GNAL: variants seen among roughly 807,000 people sequenced by gnomAD.
GNAL encodes G protein subunit alpha L.
GNAL carries 18 observed loss-of-function variants against 55.1 expected under a neutral mutation model. The ratio of observed to expected loss-of-function variants is 0.33; its 90% CI spans 0.23 to 0.48. The LOEUF (loss-of-function observed/expected upper bound fraction) is 0.48. GNAL is among the 20% of genes least tolerant of loss of function. GNAL has a pLI of 0.99. For missense variants in GNAL, 412 were observed against 614.1 expected (o/e 0.67, Z 3.48); for synonymous variants, 253 against 237.0 (o/e 1.07, Z -0.62).
At chr18:11,813,658 A>T (rs750584507) in intron 4 of GNAL, among the ~76,000 whole-genome samples, 3 of 152,230 alleles carry the variant, frequency 2.0e-5, no homozygotes, top group Non-Finnish European at 4.4e-5. Flanking sequence ...ATGAGGAGAG[A>T]GCTAGAGATC....
rs987902641 is a variant in GNAL, at chr18:11,689,422, G to C, written c.-142G>C. The C allele has an allele frequency of 2.1e-5, 8 of 375,404 alleles. No individual in the cohort carries two copies. Among genetic ancestry groups the C allele is most frequent in the Admixed American group, 9.3e-5 (2 of 21,434 alleles). 23.3% of individuals were successfully genotyped at this position (375,404 alleles called of 1,614,324 possible). A position where few individuals can be genotyped will look rare whatever the true frequency, so the allele number is the denominator to read the frequency against. On this transcript the variant is annotated 5_prime_UTR_variant, in exon 1 of 12. Transcript: ENST00000334049. Reference sequence around the variant, plus strand: ...CACCCCCTTCCCGCAGCTGGCGGCCGGCAGCGCCGAACAGGGTCCGGGTGC... The same window carrying C: ...CACCCCCTTCCCGCAGCTGGCGGCCCGCAGCGCCGAACAGGGTCCGGGTGC...
rs190865568 is a variant in GNAL, at chr18:11,740,733, C to T, written c.377-12120C>T. 8.5e-4 allele frequency among the ~76,000 whole-genome samples: 130 copies of T among 152,286 alleles called. 1 individual carries two copies. Among genetic ancestry groups the T allele is most frequent in the Non-Finnish European group, 1.3e-3 (91 of 68,016 alleles). ...CCATACAATACATCTAAATTTGTTT[C>T]GGATTCGTGTGCAATGAGGGAATCC... On this transcript the variant is annotated intron_variant, in intron 1 of 11. Transcript: ENST00000334049.
At chr18:11,728,285 G>A (rs1201763062) in intron 1 of GNAL, among the ~76,000 whole-genome samples, 1 of 152,008 alleles carries the variant, frequency 6.6e-6, no homozygotes, top group Admixed American at 6.6e-5. Flanking sequence ...GTGGGGTGGG[G>A]GGAGTAAGGC....
At chr18:11,809,887 CT>C (rs2034765333) in intron 4 of GNAL, among the ~76,000 whole-genome samples, 1 of 152,204 alleles carries the variant, frequency 6.6e-6, no homozygotes, top group Non-Finnish European at 1.5e-5. Context: ...TATTCTTTCC[CT>C]TTTATGTCAG....
chr18:11,780,445 G>T (rs1304749702), intron 4 of GNAL, among the ~76,000 whole-genome samples: 1 of 151,838 alleles, frequency 6.6e-6, no homozygotes, highest in African/African-American at 2.4e-5. Flanking sequence ...ATATTTTAAG[G>T]TCTTCAAAAA....
chr18:11,717,510 T>C (rs570545138), intron 1 of GNAL, among the ~76,000 whole-genome samples: 1 of 152,354 alleles, frequency 6.6e-6, no homozygotes, highest in South Asian at 2.1e-4. Context: ...ATTGCAGCAC[T>C]GTTCAAAATA....
At chr18:11,792,571 G>C (rs919539572) in intron 4 of GNAL, among the ~76,000 whole-genome samples, 1 of 152,202 alleles carries the variant, frequency 6.6e-6, no homozygotes, top group Admixed American at 6.5e-5. Context: ...CAGGAGTATT[G>C]GCCATCTCGC....
chr18:11,809,929 G>A (rs2034766125), intron 4 of GNAL, among the ~76,000 whole-genome samples: 2 of 152,220 alleles, frequency 1.3e-5, no homozygotes, highest in South Asian at 4.1e-4. Flanking sequence ...AGCTACTGCA[G>A]AATTACAGAG....
At chr18:11,719,875 A>T (rs949270438) in intron 1 of GNAL, among the ~76,000 whole-genome samples, 20 of 152,248 alleles carry the variant, frequency 1.3e-4, no homozygotes, top group Non-Finnish European at 2.5e-4. Context: ...CAAGACATTT[A>T]TAGCAGCATG....
At chr18:11,738,930 G>A (rs1237790753) in intron 1 of GNAL, among the ~76,000 whole-genome samples, 1 of 152,168 alleles carries the variant, frequency 6.6e-6, no homozygotes, top group Non-Finnish European at 1.5e-5. Context: ...CCTCAGTGCT[G>A]CGGAGGAGCC....
chr18:11,875,376 G>A (rs1015853170), intron 10 of GNAL, among the ~76,000 whole-genome samples: 15 of 152,204 alleles, frequency 9.9e-5, no homozygotes, highest in Admixed American at 9.2e-4. Flanking sequence ...TTAGGCTGGT[G>A]ATAGGATTTA....
At chr18:11,725,180 C>G (rs537584086) in intron 1 of GNAL, among the ~76,000 whole-genome samples, 202 of 152,282 alleles carry the variant, frequency 1.3e-3, no homozygotes, top group Middle Eastern at 3.4e-3. Context: ...TAACCCGCAG[C>G]CTCTCAGAAT....
In GNAL at chr18:11,753,561, C is replaced by A. The variant is rs1598430110; in HGVS notation, c.450-67C>A. 4.0e-6 allele frequency: 4 copies of A among 1,011,696 alleles called. No homozygotes were observed. In the East Asian group the frequency reaches 9.5e-5, roughly 24 times the overall value. The allele number at this position is 1,011,696 out of a possible 1,614,324, so 62.7% of individuals were successfully genotyped here. A position where few individuals can be genotyped will look rare whatever the true frequency, so the allele number is the denominator to read the frequency against. The stretch of plus-strand genomic sequence containing the variant: ...AGTGCTGTAGCTGGAAATTTAAAAT[C>A]CCACTCAATTGATTGGAATCAGTGC... On this transcript the variant is annotated intron_variant, in intron 2 of 11. Coordinates refer to ENST00000334049, the MANE Select transcript of GNAL (RefSeq NM_182978.4).
intron 4 of GNAL, among the ~76,000 whole-genome samples, chr18:11,781,601 A>G (rs1044881389): frequency 6.6e-6 from 1 of 152,256 alleles, no homozygotes; most frequent in Non-Finnish European, 1.5e-5. Flanking sequence ...ATCATTTTAT[A>G]TAAGGAACAA....
rs189941947 is a variant in GNAL at position 11,743,723 on chromosome 18, G to A, written c.377-9130G>A. Among the ~76,000 whole-genome samples the A allele has an allele frequency of 7.6e-4, 116 of 152,350 alleles. 1 individual carries two copies. The highest frequency in any genetic ancestry group is 2.7e-3 in the African/African-American group (112 of 41,586). Reference sequence around the variant, plus strand: ...AATATCTGCTGTAGTCCAAAATGCTGCTAGGCTATTTGAGGTTAAACAGCA... The same window carrying A: ...AATATCTGCTGTAGTCCAAAATGCTACTAGGCTATTTGAGGTTAAACAGCA... On this transcript the variant is annotated intron_variant, in intron 1 of 11. Coordinates refer to ENST00000334049, the MANE Select transcript of GNAL (RefSeq NM_182978.4).
intron 4 of GNAL, among the ~76,000 whole-genome samples, chr18:11,792,960 A>T (rs915559303): frequency 1.3e-5 from 2 of 152,232 alleles, no homozygotes; most frequent in Non-Finnish European, 2.9e-5. Flanking sequence ...AATTTGAGAA[A>T]TAATCTAGAT....
intron 10 of GNAL, among the ~76,000 whole-genome samples, chr18:11,875,347 G>C (rs191281575): frequency 6.6e-6 from 1 of 152,176 alleles, no homozygotes; most frequent in African/African-American, 2.4e-5. Flanking sequence ...TCTTGCTTGC[G>C]CTGCTGTAAC....
chr18:11,843,537 A>T (rs546643322), intron 5 of GNAL, among the ~76,000 whole-genome samples: 2 of 152,102 alleles, frequency 1.3e-5, no homozygotes, highest in Non-Finnish European at 2.9e-5. Flanking sequence ...AAATAAATAA[A>T]TAGATAAGAA....
chr18:11,782,143 C>G (rs1299202672), intron 4 of GNAL, among the ~76,000 whole-genome samples: 1 of 152,088 alleles, frequency 6.6e-6, no homozygotes, highest in African/African-American at 2.4e-5. Context: ...ACGGTAAAAC[C>G]CTGTCTCTAC....
Sources: allele counts gnomAD v4.1 joint callset (sites outside exome capture counted in the v4.1 genomes callset), GRCh38; gene constraint gnomAD v4.1.1; transcripts MANE v1.5; gene names NCBI Gene and HGNC (gene_info 2026-07-23, HGNC 2026-07-21).